ABL2: variants seen among roughly 807,000 people sequenced by gnomAD.
ABL2 encodes the protein tyrosine-protein kinase ABL2.
In ABL2, 49 loss-of-function variants were observed where a neutral mutation model predicts 107.7. The ratio of observed to expected loss-of-function variants is 0.45; its 90% CI spans 0.36 to 0.58. The LOEUF (loss-of-function observed/expected upper bound fraction) is 0.58. ABL2 is among the 20% of genes least tolerant of loss of function. The pLI is 0.00. For synonymous variants in ABL2, 549 were observed against 548.6 expected, an observed-to-expected ratio of 1.00 and a Z score of -0.01; for missense variants, 1,245 against 1,457.0, an observed-to-expected ratio of 0.85 and a Z score of 2.37.
intron 1 of ABL2, among the ~76,000 whole-genome samples, chr1:179,208,091 G>C (rs1439389093): frequency 6.6e-6 from 1 of 151,984 alleles, no homozygotes; most frequent in Non-Finnish European, 1.5e-5. Context: ...ACGAAGACTA[G>C]CCTAAAAATA....
intron 4 of ABL2, among the ~76,000 whole-genome samples, chr1:179,122,498 T>C (rs1439520102): frequency 6.6e-6 from 1 of 152,016 alleles, no homozygotes; most frequent in Non-Finnish European, 1.5e-5. Context: ...TTTAATCTTA[T>C]TTAATCTGCC....
rs1653528470 is a variant in ABL2, at chr1:179,107,236, C to T, written c.*482G>A. 8.5e-6 allele frequency: 2 copies of T among 235,452 alleles called. No homozygotes were observed. Among genetic ancestry groups the T allele is most frequent in the East Asian group, 1.2e-4 (2 of 16,402 alleles). 14.6% of individuals were successfully genotyped at this position (235,452 alleles called of 1,614,324 possible). On this transcript the variant is annotated 3_prime_UTR_variant, in exon 12 of 12. Coordinates refer to ENST00000502732, the MANE Select transcript of ABL2 (RefSeq NM_007314.4). ...GTGGAAGCAAGGCTAACAGCTACTT[C>T]CAACAGCCCTGAACAAAAATTTCTC...
chr1:179,132,020 T>G (rs938432783), intron 2 of ABL2, among the ~76,000 whole-genome samples: 10 of 152,210 alleles, frequency 6.6e-5, no homozygotes, highest in African/African-American at 2.2e-4. Context: ...TATTTAAGTA[T>G]AGAAAAAATT....
chr1:179,117,558 G>A (rs2102613820), intron 7 of ABL2, 42 bp from the exon 8 acceptor site: 2 of 1,602,586 alleles, frequency 1.2e-6, no homozygotes, highest in Non-Finnish European at 8.5e-7. Context: ...TTCAGATGGT[G>A]AGGAAAATGG....
Position 179,201,102 on chromosome 1 carries a change from C to T in ABL2, c.157+28139G>A, listed in dbSNP as rs554317421. Among the ~76,000 whole-genome samples, 19 of 152,196 alleles carry T rather than the reference C, an allele frequency of 1.2e-4. No homozygotes were observed. The East Asian group carries it at 3.7e-3, about 29-fold the overall frequency. On this transcript the variant is annotated intron_variant, in intron 1 of 11. Coordinates refer to ENST00000502732, the MANE Select transcript of ABL2 (RefSeq NM_007314.4). The stretch of plus-strand genomic sequence containing the variant: ...TTTTTGGTTCTGGAAATGTAGGAAC[C>T]CTCCCCAAATCTAAGTTCCTAGATG...
intron 1 of ABL2, among the ~76,000 whole-genome samples, chr1:179,184,817 T>G (rs1660589983): frequency 6.6e-6 from 1 of 152,182 alleles, no homozygotes; most frequent in Non-Finnish European, 1.5e-5. Flanking sequence ...CTCTTTTCTA[T>G]ACACCATGAT....
intron 10 of ABL2, 25 bp downstream of exon 10, chr1:179,112,284 A>G (rs1409716237): frequency 6.3e-7 from 1 of 1,596,086 alleles, no homozygotes; most frequent in Admixed American, 1.7e-5. Flanking sequence ...ATTAGTCACC[A>G]ACAGTAAATC....
At chr1:179,220,628 T>C (rs1662819034) in intron 1 of ABL2, among the ~76,000 whole-genome samples, 1 of 152,222 alleles carries the variant, frequency 6.6e-6, no homozygotes, top group Admixed American at 6.5e-5. Flanking sequence ...AAACTTCAGC[T>C]AGTGCTTTAA....
At chr1:179,136,737 T>TAAATAAAA (rs1557944796) in intron 1 of ABL2, among the ~76,000 whole-genome samples, 1 of 142,726 alleles carries the variant, frequency 7.0e-6, no homozygotes, top group African/African-American at 2.8e-5. Context: ...AATAAATAAA[T>TAAATAAAA]AAATAAAAAT....
intron 1 of ABL2, among the ~76,000 whole-genome samples, chr1:179,150,560 C>T (rs1200441887): frequency 2.6e-5 from 4 of 152,134 alleles, no homozygotes; most frequent in African/African-American, 7.2e-5. Context: ...AAAACCTGAA[C>T]GGATGAGGAG....
intron 1 of ABL2, among the ~76,000 whole-genome samples, chr1:179,190,589 G>A (rs1378711063): frequency 3.9e-5 from 6 of 152,036 alleles, no homozygotes; most frequent in Admixed American, 3.9e-4. Context: ...CCCCTCCACA[G>A]AGACGTGGGG....
At chr1:179,185,094 T>C (rs1660608243) in intron 1 of ABL2, among the ~76,000 whole-genome samples, 1 of 152,190 alleles carries the variant, frequency 6.6e-6, no homozygotes, top group Non-Finnish European at 1.5e-5. Context: ...GACAGTACAC[T>C]GTGTCTCTAC....
chr1:179,110,655 T>C, intron 10 of ABL2, 200 bp from the exon 11 acceptor site: 4 of 1,545,668 alleles, frequency 2.6e-6, no homozygotes, highest in Non-Finnish European at 2.6e-6. Context: ...CGCTGCTGCA[T>C]GTGGCAGGGG....
chr1:179,123,884 G>A (rs1248612170), intron 4 of ABL2, among the ~76,000 whole-genome samples: 1 of 152,034 alleles, frequency 6.6e-6, no homozygotes, highest in Non-Finnish European at 1.5e-5. Flanking sequence ...ACCCTCCTTG[G>A]CCTCCCCAAG....
chr1:179,204,876 T>A (rs1299807110), intron 1 of ABL2, among the ~76,000 whole-genome samples: 1 of 152,180 alleles, frequency 6.6e-6, no homozygotes, highest in African/African-American at 2.4e-5. Context: ...ATAGACTCTG[T>A]ACATCGGTTA....
At chr1:179,178,199 A>G (rs1386934249) in intron 1 of ABL2, among the ~76,000 whole-genome samples, 1 of 151,948 alleles carries the variant, frequency 6.6e-6, no homozygotes, top group African/African-American at 2.4e-5. Flanking sequence ...AGAGTTCCAG[A>G]CCAGCCTGGT....
chr1:179,200,727 G>A (rs1408545523), intron 1 of ABL2, among the ~76,000 whole-genome samples: 1 of 152,140 alleles, frequency 6.6e-6, no homozygotes, highest in Non-Finnish European at 1.5e-5. Context: ...GATTCACTAG[G>A]AGGACTCAGA....
In ABL2 at chr1:179,101,350, G is replaced by T; in HGVS notation, c.*6368C>A. ...CCTAATTTCCTGTCCTTTGGATCTA[G>T]GATATTGAGTCAGAAATGAAGGTAT... On this transcript the variant is annotated 3_prime_UTR_variant, in exon 12 of 12. Transcript: ENST00000502732. 1 of 196,622 alleles carries T rather than the reference G, an allele frequency of 5.1e-6. No homozygotes were observed. Among genetic ancestry groups the T allele is most frequent in the Non-Finnish European group, 1.0e-5 (1 of 95,404 alleles). The allele number at this position is 196,622 out of a possible 1,614,324, so 12.2% of individuals were successfully genotyped here.
At chr1:179,204,057 C>T (rs1400443987) in intron 1 of ABL2, among the ~76,000 whole-genome samples, 2 of 152,098 alleles carry the variant, frequency 1.3e-5, no homozygotes, top group Admixed American at 6.6e-5. Context: ...TGGAGTCTCT[C>T]GCTCTGTCGC....
Sources: allele counts gnomAD v4.1 joint callset (sites outside exome capture counted in the v4.1 genomes callset), GRCh38; gene constraint gnomAD v4.1.1; transcripts MANE v1.5; gene names NCBI Gene and HGNC (gene_info 2026-07-23, HGNC 2026-07-21).